The following ZFAT variants were observed in gnomAD, a reference collection of about 807,000 sequenced individuals.
ZFAT encodes the protein zinc finger and AT-hook domain containing, also known as zinc finger protein ZFAT.
ZFAT carries 64 observed loss-of-function variants against 117.7 expected under a neutral mutation model. The ratio of observed to expected loss-of-function variants is 0.54; its 90% confidence interval spans 0.44 to 0.67. ZFAT has a LOEUF of 0.67. Ranked by LOEUF, ZFAT falls within the 30% of genes least tolerant of loss-of-function variation. The probability of loss-of-function intolerance (pLI) is 0.00; values close to 1 mark genes in which losing one functional copy is unlikely to be tolerated. For missense variants in ZFAT, 1,433 were observed against 1,584.5 expected, an observed-to-expected ratio of 0.90 and a Z score of 1.62; for synonymous variants, 679 against 615.0, an observed-to-expected ratio of 1.10 and a Z score of -1.54.
the ZFAT span, among the ~76,000 whole-genome samples, chr8:134,783,183 AC>A: frequency 2.6e-5 from 4 of 152,190 alleles, no homozygotes; most frequent in Admixed American, 6.6e-5. Flanking sequence ...AATGTATGAA[AC>A]AAACTTATTT....
At chr8:134,573,315 AAC>A (rs1004479423) in intron 10 of ZFAT, among the ~76,000 whole-genome samples, 6 of 152,202 alleles carry the variant, frequency 3.9e-5, no homozygotes, top group African/African-American at 1.4e-4. Flanking sequence ...AAATAAAAAT[AAC>A]ACAACAAAAC....
At chr8:134,613,362 G>A (rs199676956) in intron 3 of ZFAT, among the ~76,000 whole-genome samples, 3 of 152,206 alleles carry the variant, frequency 2.0e-5, no homozygotes, top group East Asian at 1.9e-4. Flanking sequence ...TGGATAAACC[G>A]CGTCCGGACT....
intron 15 of ZFAT, among the ~76,000 whole-genome samples, chr8:134,480,170 C>A (rs771718625): frequency 2.0e-5 from 3 of 152,188 alleles, no homozygotes; most frequent in Admixed American, 6.5e-5. Flanking sequence ...CCACATTGCA[C>A]AAGCTGGTCT....
In ZFAT at chr8:134,478,935, C is replaced by T. The variant is rs1489160020; in HGVS notation, c.3493-214G>A. ...AATGTAGGGCAACGTGGTCAGGGTC[C>T]CCAGCCGTGGCAAATGGTGGAACCT... On this transcript the variant is annotated intron_variant, in intron 15 of 15. Coordinates refer to ENST00000377838, the MANE Select transcript of ZFAT (RefSeq NM_020863.4). The surrounding 1 kb of genome is among the most constrained non-coding windows in gnomAD (Gnocchi z 5.2). Among the ~76,000 whole-genome samples, 5 of 152,142 alleles carry T rather than the reference C, an allele frequency of 3.3e-5. No homozygotes were observed. The highest frequency in any genetic ancestry group is 9.7e-5 in the African/African-American group (4 of 41,434).
chr8:134,783,212 T>A, the ZFAT span, among the ~76,000 whole-genome samples: 1 of 152,210 alleles, frequency 6.6e-6, no homozygotes, highest in African/African-American at 2.4e-5. Context: ...ATATTTCTGC[T>A]GGGGTTGGCA....
rs542256458 is a variant in ZFAT at position 134,534,649 on chromosome 8, G to A, written c.2977-1677C>T. On this transcript the variant is annotated intron_variant, in intron 11 of 15. Transcript: ENST00000377838. ...GAGGACAGGGGGAGAGAGGGAGAGA[G>A]GGAGAAAGGGAGACAAGAAGAGAGA... Among the ~76,000 whole-genome samples, 465 of 149,220 alleles carry A rather than the reference G, an allele frequency of 3.1e-3. 2 individuals are homozygous for A. The highest frequency in any genetic ancestry group is 5.5e-3 in the Non-Finnish European group (372 of 67,108).
intron 3 of ZFAT, among the ~76,000 whole-genome samples, chr8:134,618,502 T>G (rs1415409020): frequency 6.6e-6 from 1 of 152,196 alleles, no homozygotes; most frequent in African/African-American, 2.4e-5. Context: ...TTGGGTCTGA[T>G]TTCAAGTCTG....
intron 1 of ZFAT, among the ~76,000 whole-genome samples, chr8:134,662,859 C>T (rs1256827362): frequency 3.3e-5 from 5 of 152,252 alleles, no homozygotes; most frequent in Non-Finnish European, 7.3e-5. Flanking sequence ...CTCTAGCCTG[C>T]AAGGCAGCCT....
the ZFAT span, among the ~76,000 whole-genome samples, chr8:134,747,197 T>C: frequency 6.6e-6 from 1 of 152,096 alleles, no homozygotes; most frequent in African/African-American, 2.4e-5. Context: ...CAAGTGATCC[T>C]CCCACCTCAG....
chr8:134,817,488 T>A, the ZFAT span, among the ~76,000 whole-genome samples: 1 of 151,150 alleles, frequency 6.6e-6, no homozygotes, highest in East Asian at 2.0e-4. Context: ...CAGAGGCATA[T>A]ACGAGACCAA....
At position 134,631,822 on chromosome 8, in the gene ZFAT, T is replaced by C. The variant is rs190637756; in HGVS notation, c.448+5639A>G. On this transcript the variant is annotated intron_variant, in intron 3 of 15. Coordinates refer to ENST00000377838, the MANE Select transcript of ZFAT (RefSeq NM_020863.4). ...CTAGAGTTGTGTAGGGTGTAGCCAC[T>C]GGGGGAGACCAGATGAGGAACACAT... Among the ~76,000 whole-genome samples, 366 of 152,304 alleles carry C rather than the reference T, an allele frequency of 2.4e-3. 1 individual carries two copies. The highest frequency in any genetic ancestry group is 8.4e-3 in the African/African-American group (347 of 41,550).
intron 1 of ZFAT, among the ~76,000 whole-genome samples, chr8:134,661,241 G>A (rs943511975): frequency 6.6e-6 from 1 of 152,214 alleles, no homozygotes; most frequent in Admixed American, 6.5e-5. Context: ...ACAGAGTGTC[G>A]TGGAGGCAGG....
chr8:134,712,800 G>A (rs1814070477), intron 1 of ZFAT, 45 bp downstream of exon 1: 1 of 1,140,182 alleles, frequency 8.8e-7, no homozygotes. Flanking sequence ...GCCGCGCCGC[G>A]CCCCACCCCC....
At chr8:134,638,256 C>T (rs759246393) in intron 2 of ZFAT, among the ~76,000 whole-genome samples, 1 of 152,132 alleles carries the variant, frequency 6.6e-6, no homozygotes, top group South Asian at 2.1e-4. Flanking sequence ...AAGACAATAA[C>T]AATATTTTTC....
chr8:134,732,024 C>G, the ZFAT span, among the ~76,000 whole-genome samples: 29 of 152,336 alleles, frequency 1.9e-4, no homozygotes, highest in African/African-American at 6.7e-4. Flanking sequence ...CACCTGAGCC[C>G]AGCTCTGTCT....
rs1267784705 is a variant in ZFAT, at chr8:134,712,883, G to A, written c.-20C>T. 8 of 1,506,558 alleles carry A rather than the reference G, an allele frequency of 5.3e-6. No homozygotes were observed. The highest frequency in any genetic ancestry group is 7.1e-6 in the Non-Finnish European group (8 of 1,127,516). The allele number at this position is 1,506,558 out of a possible 1,614,324, so 93.3% of individuals were successfully genotyped here. A position where few individuals can be genotyped will look rare whatever the true frequency, so the allele number is the denominator to read the frequency against. ...CTCCATGGCAACGCCCCACCGCGGA[G>A]GAAAAAAAAGCCTCGGGCTCTTCCG... On this transcript the variant is annotated 5_prime_UTR_variant, in exon 1 of 16. Coordinates refer to ENST00000377838, the MANE Select transcript of ZFAT (RefSeq NM_020863.4).
At position 134,478,701 on chromosome 8, in the gene ZFAT, G is replaced by C; in HGVS notation, c.3513C>G (p.Ser1171Arg). ...VVKQVTEEEP[S>R]SNHTVMIQET... ...CCTGGATCATGACCGTGTGGTTGGAGCTGGGCTCCTCCTCGGTGACCTGCG... is the reference window on the plus strand; with the variant it reads ...CCTGGATCATGACCGTGTGGTTGGACCTGGGCTCCTCCTCGGTGACCTGCG... The change falls in exon 16 of 16, where the codon AGC (serine) becomes AGG (arginine). Residue 1171 changes from serine (S) to arginine (R), a missense_variant. Physicochemically the swap from Ser to Arg is moderately radical, Grantham distance 110. This residue lies in a region of ZFAT where 503 missense variants were observed against 543.4 expected (regional missense o/e 0.93). Coordinates refer to ENST00000377838, the MANE Select transcript of ZFAT (RefSeq NM_020863.4). This position sits in a 1 kb window ranked among gnomAD's most constrained non-coding sequence, Gnocchi z 5.2. 6.4e-7 allele frequency: 1 copy of C among 1,572,406 alleles called. No individual in the cohort carries two copies. The highest frequency in any genetic ancestry group is 8.6e-7 in the Non-Finnish European group (1 of 1,159,004).
chr8:134,767,241 G>A, the ZFAT span: 2 of 152,170 alleles, frequency 1.3e-5, no homozygotes, highest in Non-Finnish European at 2.9e-5. Context: ...TTAGTCATGT[G>A]TTCAGCTTTA....
At chr8:134,717,500 T>TTTTTTTC (rs1814225562), upstream of ZFAT, among the ~76,000 whole-genome samples, 1 of 126,840 alleles carries the variant, frequency 7.9e-6, no homozygotes, top group Non-Finnish European at 1.6e-5. Context: ...TTTTTTTTTT[T>TTTTTTTC]TGAGACGGAG....
Sources: allele counts gnomAD v4.1 joint callset (sites outside exome capture counted in the v4.1 genomes callset), GRCh38; gene constraint gnomAD v4.1.1; regional missense constraint gnomAD v4.1.1; non-coding constraint Gnocchi (gnomAD v3.1); transcripts MANE v1.5; gene names NCBI Gene and HGNC (gene_info 2026-07-23, HGNC 2026-07-21).